The following VPS13B variants were observed in gnomAD, a reference collection of about 807,000 sequenced individuals.
The protein encoded by VPS13B is vacuolar protein sorting 13 homolog B.
In VPS13B, 285 loss-of-function variants were observed where a neutral mutation model predicts 426.4. That is an observed-to-expected ratio of 0.67 (90% CI 0.61 to 0.74). VPS13B has a LOEUF of 0.74. VPS13B is among the 30% of genes least tolerant of loss of function. The probability of loss-of-function intolerance (pLI) is 0.00; values close to 1 mark genes in which losing one functional copy is unlikely to be tolerated. For missense variants in VPS13B, 4,537 were observed against 4,782.6 expected (o/e 0.95, Z 1.51); for synonymous variants, 1,676 against 1,676.4 (o/e 1.00, Z 0.01).
At chr8:99,288,248 G>T (rs1468713237) in intron 19 of VPS13B, among the ~76,000 whole-genome samples, 1 of 151,818 alleles carries the variant, frequency 6.6e-6, no homozygotes, top group African/African-American at 2.4e-5. Flanking sequence ...GTATATTTAT[G>T]TATTCATAAA....
Position 99,336,969 on chromosome 8 carries a change from T to A in VPS13B, c.2825-47239T>A, listed in dbSNP as rs1429386756. On this transcript the variant is annotated intron_variant, in intron 19 of 61. Coordinates refer to ENST00000357162, the MANE Select transcript of VPS13B (RefSeq NM_152564.5). ...AGTCAGTGTGGCGATTCCTCAGGGATCTAGAACTAGAAATACCATTTGACC... is the reference window on the plus strand; with the variant it reads ...AGTCAGTGTGGCGATTCCTCAGGGAACTAGAACTAGAAATACCATTTGACC... Among the ~76,000 whole-genome samples, 4 of 151,984 alleles carry A rather than the reference T, an allele frequency of 2.6e-5. No homozygotes were observed. The East Asian group carries it at 7.7e-4, about 29-fold the overall frequency.
At chr8:99,225,986 C>G (rs1263737052) in intron 17 of VPS13B, among the ~76,000 whole-genome samples, 1 of 152,090 alleles carries the variant, frequency 6.6e-6, no homozygotes, top group East Asian at 1.9e-4. Context: ...GCTCTGTCGC[C>G]CAGGCTGGAG....
intron 17 of VPS13B, among the ~76,000 whole-genome samples, chr8:99,266,913 C>T (rs1818339365): frequency 6.6e-6 from 1 of 152,162 alleles, no homozygotes; most frequent in South Asian, 2.1e-4. Flanking sequence ...TTCTTCATAG[C>T]AGCATGAGAA....
chr8:99,579,931 C>T (rs1167923389), intron 33 of VPS13B, among the ~76,000 whole-genome samples: 1 of 152,066 alleles, frequency 6.6e-6, no homozygotes, highest in Non-Finnish European at 1.5e-5. Context: ...CTCCCGACCT[C>T]AGGTGATCTG....
rs951437576 is a variant in VPS13B, at chr8:99,332,433, T to G, written c.2825-51775T>G. 4.8e-4 allele frequency among the ~76,000 whole-genome samples: 72 copies of G among 151,250 alleles called. 1 individual carries two copies. The highest frequency in any genetic ancestry group is 1.6e-3 in the African/African-American group (68 of 41,376). ...TTTATGCAAGTAAGAGAACAGTTAA[T>G]TTTTTTTTGTTCAATCAGTTCAAGT... On this transcript the variant is annotated intron_variant, in intron 19 of 61. Coordinates refer to ENST00000357162, the MANE Select transcript of VPS13B (RefSeq NM_152564.5).
intron 25 of VPS13B, among the ~76,000 whole-genome samples, chr8:99,486,147 GTTTC>G (rs758359618): frequency 6.6e-6 from 1 of 151,970 alleles, no homozygotes; most frequent in Non-Finnish European, 1.5e-5. Flanking sequence ...CAGTTTTTAG[GTTTC>G]TTTATCAACA....
chr8:99,789,712 A>G (rs1470373702), intron 43 of VPS13B, among the ~76,000 whole-genome samples: 1 of 152,152 alleles, frequency 6.6e-6, no homozygotes, highest in African/African-American at 2.4e-5. Context: ...ACTATCTTAT[A>G]GATATTTTAT....
chr8:99,039,525 C>A (rs995531264), intron 3 of VPS13B, among the ~76,000 whole-genome samples: 1 of 149,678 alleles, frequency 6.7e-6, no homozygotes, highest in Non-Finnish European at 1.5e-5. Flanking sequence ...AGTAGTGTGT[C>A]TGTCATTCAT....
Position 99,817,735 on chromosome 8 carries a change from G to A in VPS13B, c.8293G>A (p.Gly2765Arg), listed in dbSNP as rs750963582. The A allele has an allele frequency of 1.7e-5, 27 of 1,614,110 alleles. No individual in the cohort carries two copies. The highest frequency in any genetic ancestry group is 2.3e-5 in the Non-Finnish European group (27 of 1,180,000). The change falls in exon 45 of 62, where the codon GGA (glycine) becomes AGA (arginine). Residue 2765 changes from glycine (G) to arginine (R), a missense_variant. Physicochemically the swap from Gly to Arg is moderately radical, Grantham distance 125 (BLOSUM62 -2). Transcript: ENST00000357162. Reference sequence around the variant, plus strand: ...GACGGAGCTGTGTGTGAAGGCCAAAGGAGATGAAGACTGGTCAAGAGATGT... The same window carrying A: ...GACGGAGCTGTGTGTGAAGGCCAAAAGAGATGAAGACTGGTCAAGAGATGT... ...ELTELCVKAK[G>R]DEDWSRDVCL...
chr8:99,174,524 T>A (rs951291050), intron 16 of VPS13B, among the ~76,000 whole-genome samples: 1 of 152,218 alleles, frequency 6.6e-6, no homozygotes, highest in African/African-American at 2.4e-5. Context: ...GATATCTCAT[T>A]GTGGTTTTAA....
Position 99,135,020 on chromosome 8 carries a change from T to C in VPS13B, c.1308T>C (p.Leu436=). 1 of 1,613,562 alleles carries C rather than the reference T, an allele frequency of 6.2e-7. No individual in the cohort carries two copies. Among genetic ancestry groups the C allele is most frequent in the Non-Finnish European group, 8.5e-7 (1 of 1,179,586 alleles). Residue 436 remains leucine (L), a synonymous_variant, in exon 10 of 62, where the codon CTT becomes CTC. Transcript: ENST00000357162. ...WEQEGTTVEA[L]MMGEPFFDCQ... ...TGTTTCCTTTCGTCTTATAGGCCCT[T>C]ATGATGGGAGAACCTTTCTTTGATT...
chr8:99,533,901 G>A (rs1404113489), intron 30 of VPS13B, among the ~76,000 whole-genome samples: 1 of 152,058 alleles, frequency 6.6e-6, no homozygotes, highest in African/African-American at 2.4e-5. Flanking sequence ...CCACAAAACT[G>A]TTTCCTCCTT....
chr8:99,832,294 T>C (rs1466683823), intron 51 of VPS13B, 75 bp from the exon 52 acceptor site: 27 of 1,440,330 alleles, frequency 1.9e-5, no homozygotes, highest in Non-Finnish European at 2.4e-5. Flanking sequence ...AGATATGCTT[T>C]AAAAAGTTTA....
At chr8:99,627,120 AAGG>A (rs1828646987) in intron 33 of VPS13B, among the ~76,000 whole-genome samples, 1 of 151,994 alleles carries the variant, frequency 6.6e-6, no homozygotes, top group Admixed American at 6.6e-5. Context: ...GGGTAGGGGA[AAGG>A]AGGGGATGGG....
In VPS13B at chr8:99,623,615, G is replaced by A. The variant is rs77587089; in HGVS notation, c.5221-18196G>A. Reference sequence around the variant, plus strand: ...CGCAAAGAAGTTACAGTTTTATTGAGGAGGTAATATTATGCTGCTTCTGGT... The same window carrying A: ...CGCAAAGAAGTTACAGTTTTATTGAAGAGGTAATATTATGCTGCTTCTGGT... On this transcript the variant is annotated intron_variant, in intron 33 of 61. Coordinates refer to ENST00000357162, the MANE Select transcript of VPS13B (RefSeq NM_152564.5). 8.8e-3 allele frequency among the ~76,000 whole-genome samples: 1,338 copies of A among 152,210 alleles called. 8 individuals are homozygous for A. The highest frequency in any genetic ancestry group is 0.014 in the Non-Finnish European group (947 of 68,006).
chr8:99,459,011 T>A (rs941032333), intron 23 of VPS13B, among the ~76,000 whole-genome samples: 8 of 152,220 alleles, frequency 5.3e-5, no homozygotes, highest in Admixed American at 1.3e-4. Context: ...ATGTCCTGAA[T>A]GGTATTGCCT....
chr8:99,420,470 A>T (rs368933624), intron 21 of VPS13B, among the ~76,000 whole-genome samples: 11 of 152,218 alleles, frequency 7.2e-5, no homozygotes, highest in Admixed American at 2.6e-4. Context: ...ATTGATTAAA[A>T]TATAGATGCA....
intron 35 of VPS13B, among the ~76,000 whole-genome samples, chr8:99,698,324 C>T (rs538577145): frequency 6.6e-6 from 1 of 152,298 alleles, no homozygotes; most frequent in Admixed American, 6.5e-5. Flanking sequence ...TGTGTGTGTC[C>T]TCCCATCTCG....
chr8:99,632,296 A>G (rs1023897400), intron 33 of VPS13B, among the ~76,000 whole-genome samples: 16 of 152,100 alleles, frequency 1.1e-4, no homozygotes, highest in South Asian at 4.1e-4. Context: ...TGAAAAGATG[A>G]TGCTTGATAT....
Sources: gnomAD v4.1 joint callset for allele counts (sites outside exome capture counted in the v4.1 genomes callset) on GRCh38, gnomAD v4.1.1 for gene constraint, MANE v1.5 for transcripts, NCBI Gene and HGNC (gene_info 2026-07-23, HGNC 2026-07-21) for gene names.